GUCY1A2: variants seen among roughly 807,000 people sequenced by gnomAD.
The protein encoded by GUCY1A2 is guanylate cyclase 1 soluble subunit alpha 2, also known as guanylate cyclase soluble subunit alpha-2.
In GUCY1A2, 27 loss-of-function variants were observed where a neutral mutation model predicts 63.5. The ratio of observed to expected loss-of-function variants is 0.43; its 90% CI spans 0.31 to 0.59. The LOEUF is 0.59. GUCY1A2 is among the 20% of genes least tolerant of loss of function. GUCY1A2 has a pLI of 0.11. For missense variants in GUCY1A2, 768 were observed against 913.3 expected, an observed-to-expected ratio of 0.84 and a Z score of 2.05; for synonymous variants, 364 against 343.5, an observed-to-expected ratio of 1.06 and a Z score of -0.66.
intron 1 of GUCY1A2, among the ~76,000 whole-genome samples, chr11:107,012,944 T>C (rs1861768232): frequency 6.6e-6 from 1 of 152,222 alleles, no homozygotes; most frequent in South Asian, 2.1e-4. Context: ...TCTAAGGTTT[T>C]TTTTCAAGGT....
chr11:106,736,845 C>A (rs771563817), intron 6 of GUCY1A2, among the ~76,000 whole-genome samples: 12 of 151,902 alleles, frequency 7.9e-5, no homozygotes, highest in Non-Finnish European at 1.5e-4. Flanking sequence ...ACAGGATTGC[C>A]TTTTATCTCC....
At chr11:106,705,142 A>G (rs1862886673) in intron 7 of GUCY1A2, among the ~76,000 whole-genome samples, 1 of 152,156 alleles carries the variant, frequency 6.6e-6, no homozygotes, top group South Asian at 2.1e-4. Flanking sequence ...ATTAAAAAAT[A>G]GAAAATATAC....
At chr11:106,913,071 C>G (rs772539957) in intron 4 of GUCY1A2, among the ~76,000 whole-genome samples, 7 of 152,076 alleles carry the variant, frequency 4.6e-5, no homozygotes, top group Non-Finnish European at 1.0e-4. Context: ...ATTCTATACA[C>G]AGTTACAAAT....
chr11:106,841,777 CT>C (rs1265240905), intron 4 of GUCY1A2, among the ~76,000 whole-genome samples: 2 of 151,930 alleles, frequency 1.3e-5, no homozygotes, highest in East Asian at 3.9e-4. Context: ...CCCCCTTGTG[CT>C]TAATATACAT....
chr11:106,931,953 A>T (rs1565335613), intron 4 of GUCY1A2, among the ~76,000 whole-genome samples: 1 of 152,178 alleles, frequency 6.6e-6, no homozygotes, highest in Non-Finnish European at 1.5e-5. Context: ...TATACTTACC[A>T]AAAAAGTACA....
chr11:106,939,769 A>C lies in GUCY1A2; in HGVS notation c.897T>G (p.Thr299=), dbSNP rs61735485. 9.9e-4 allele frequency: 1,601 copies of C among 1,614,004 alleles called. 1 individual carries two copies. Among genetic ancestry groups the C allele is most frequent in the Middle Eastern group, 3.0e-3 (18 of 6,060 alleles). The part of the protein sequence containing the change: ...LTFLIKECEN[T]NIMKNLPQGT... ...CCTGTGGAAGGTTCTTCATGATATTAGTATTTTCACATTCTTTGATAAGGA... is the reference window on the plus strand; with the variant it reads ...CCTGTGGAAGGTTCTTCATGATATTCGTATTTTCACATTCTTTGATAAGGA... Residue 299 remains threonine (T), a synonymous_variant, in exon 4 of 8, where the codon ACT becomes ACG. Transcript: ENST00000526355.
chr11:106,785,900 G>A (rs563223915), intron 5 of GUCY1A2, among the ~76,000 whole-genome samples: 2 of 149,030 alleles, frequency 1.3e-5, no homozygotes, highest in Non-Finnish European at 3.0e-5. Context: ...AAAGAGCAGT[G>A]GCTTTCAGAA....
Position 106,882,182 on chromosome 11 carries a change from A to G in GUCY1A2, c.1206+57278T>C, listed in dbSNP as rs531422365. Among the ~76,000 whole-genome samples the G allele has an allele frequency of 3.9e-5, 6 of 152,038 alleles. 1 individual carries two copies. The highest frequency in any genetic ancestry group is 1.4e-4 in the African/African-American group (6 of 41,518). On this transcript the variant is annotated intron_variant, in intron 4 of 7. Coordinates refer to ENST00000526355, the MANE Select transcript of GUCY1A2 (RefSeq NM_000855.3). Reference sequence around the variant, plus strand: ...TTTTTACACTACATTTCAGTACATAACATCTGGAGATGGGAGGTTTATAGA... The same window carrying G: ...TTTTTACACTACATTTCAGTACATAGCATCTGGAGATGGGAGGTTTATAGA...
At chr11:106,826,278 T>G in intron 4 of GUCY1A2, 1 of 792,314 alleles carries the variant, frequency 1.3e-6, no homozygotes. Context: ...TCATTATCAC[T>G]TCTGTAATTT....
In GUCY1A2 at chr11:107,018,433, G is replaced by GT. The variant is rs1861861232; in HGVS notation, c.-379_-378insA. On this transcript the variant is annotated 5_prime_UTR_variant, in exon 1 of 8. Transcript: ENST00000526355. ...GTGACCGCGGTCGGCGGGGCGGGGAGGGCTGCGGCCCAAGCAGAAGGGGAG... is the reference window on the plus strand; with the variant it reads ...GTGACCGCGGTCGGCGGGGCGGGGAGTGGCTGCGGCCCAAGCAGAAGGGGAG... 1 of 150,424 alleles carries GT rather than the reference G, an allele frequency of 6.6e-6. No homozygotes were observed. The highest frequency in any genetic ancestry group is 2.4e-5 in the African/African-American group (1 of 41,274). 9.3% of individuals were successfully genotyped at this position (150,424 alleles called of 1,614,324 possible). A position where few individuals can be genotyped will look rare whatever the true frequency, so the allele number is the denominator to read the frequency against.
In GUCY1A2 at chr11:106,815,481, T is replaced by A. The variant is rs76365281; in HGVS notation, c.1207-5003A>T. 9.0e-3 allele frequency among the ~76,000 whole-genome samples: 1,359 copies of A among 151,110 alleles called. 11 individuals are homozygous for A. The highest frequency in any genetic ancestry group is 0.015 in the Non-Finnish European group (1,022 of 67,892). On this transcript the variant is annotated intron_variant, in intron 4 of 7. Transcript: ENST00000526355. ...ATTCACTCCAAGATACATTTTAGGGTGCATATGTACCCTAAAACTTAAAGT... is the reference window on the plus strand; with the variant it reads ...ATTCACTCCAAGATACATTTTAGGGAGCATATGTACCCTAAAACTTAAAGT...
chr11:107,009,148 C>T (rs976439061), intron 1 of GUCY1A2, among the ~76,000 whole-genome samples: 1 of 152,128 alleles, frequency 6.6e-6, no homozygotes, highest in African/African-American at 2.4e-5. Context: ...CCAACTTCAC[C>T]ACTGAATGAA....
At chr11:106,805,501 C>T (rs1311562417) in intron 5 of GUCY1A2, among the ~76,000 whole-genome samples, 1 of 152,208 alleles carries the variant, frequency 6.6e-6, no homozygotes, top group Non-Finnish European at 1.5e-5. Context: ...CCACCTCGGC[C>T]TCCCAAAGTG....
At chr11:106,915,829 A>C (rs1475439705) in intron 4 of GUCY1A2, among the ~76,000 whole-genome samples, 1 of 145,388 alleles carries the variant, frequency 6.9e-6, no homozygotes, top group Non-Finnish European at 1.5e-5. Flanking sequence ...GCATTTGAGC[A>C]TTACAAGCTG....
At chr11:106,944,861 G>C (rs972426489) in intron 3 of GUCY1A2, among the ~76,000 whole-genome samples, 2 of 152,074 alleles carry the variant, frequency 1.3e-5, no homozygotes, top group Admixed American at 6.5e-5. Flanking sequence ...CAAAGCACAT[G>C]TCCGTGTCTT....
intron 6 of GUCY1A2, among the ~76,000 whole-genome samples, chr11:106,754,514 T>G (rs1863938711): frequency 6.6e-6 from 1 of 152,122 alleles, no homozygotes; most frequent in African/African-American, 2.4e-5. Flanking sequence ...GCTCTTATTA[T>G]TTTGAGATAT....
chr11:106,883,654 T>C (rs1378505191), intron 4 of GUCY1A2, among the ~76,000 whole-genome samples: 1 of 152,168 alleles, frequency 6.6e-6, no homozygotes, highest in African/African-American at 2.4e-5. Context: ...GGCTTGTATA[T>C]GCTATTCTTA....
At chr11:106,723,217 G>A (rs752954393) in intron 6 of GUCY1A2, among the ~76,000 whole-genome samples, 2 of 152,116 alleles carry the variant, frequency 1.3e-5, no homozygotes, top group Non-Finnish European at 2.9e-5. Flanking sequence ...CTGCGTATAA[G>A]TTGTTTCCTC....
At chr11:106,864,820 G>C (rs943668016) in intron 4 of GUCY1A2, among the ~76,000 whole-genome samples, 1 of 152,060 alleles carries the variant, frequency 6.6e-6, no homozygotes, top group Non-Finnish European at 1.5e-5. Context: ...CGGTTTGCCA[G>C]TATTTTATTG....
Sources: allele counts gnomAD v4.1 joint callset (sites outside exome capture counted in the v4.1 genomes callset), GRCh38; gene constraint gnomAD v4.1.1; transcripts MANE v1.5; gene names NCBI Gene and HGNC (gene_info 2026-07-23, HGNC 2026-07-21).